Variants in SPOCK1 observed in about 807,000 individuals in gnomAD.
SPOCK1 encodes testican-1.
SPOCK1 carries 23 observed loss-of-function variants against 55.3 expected under a neutral mutation model. The observed-to-expected ratio is 0.42, with a 90% CI of 0.30 to 0.59. The LOEUF is 0.59. Among genes scored for constraint, SPOCK1 ranks in the 20% least tolerant of loss-of-function variants. The pLI is 0.22. For missense variants in SPOCK1, 499 were observed against 552.5 expected (o/e 0.90, Z 0.97); for synonymous variants, 226 against 221.0 (o/e 1.02, Z -0.20).
intron 6 of SPOCK1, among the ~76,000 whole-genome samples, chr5:136,994,028 T>G (rs2126965114): frequency 6.6e-6 from 1 of 152,244 alleles, no homozygotes; most frequent in Middle Eastern, 3.4e-3. Flanking sequence ...AGAACCGAGC[T>G]TCCCAGAGCT....
chr5:137,420,791 T>G (rs968505043), intron 2 of SPOCK1, among the ~76,000 whole-genome samples: 1 of 152,198 alleles, frequency 6.6e-6, no homozygotes, highest in Non-Finnish European at 1.5e-5. Flanking sequence ...TGTGTCTCTA[T>G]CTCCTTCAGT....
chr5:137,433,994 GAAAT>G (rs1238248837), intron 2 of SPOCK1, among the ~76,000 whole-genome samples: 17 of 152,264 alleles, frequency 1.1e-4, no homozygotes, highest in African/African-American at 4.1e-4. Flanking sequence ...AATTACCAAA[GAAAT>G]AATCTGTTCT....
chr5:137,317,285 T>C (rs1238049625), intron 2 of SPOCK1, among the ~76,000 whole-genome samples: 4 of 152,228 alleles, frequency 2.6e-5, no homozygotes, highest in African/African-American at 7.2e-5. Context: ...TTTTAGGTCC[T>C]ACAGTGAAAT....
chr5:137,044,912 C>A (rs939758182), intron 6 of SPOCK1, among the ~76,000 whole-genome samples: 7 of 144,400 alleles, frequency 4.8e-5, no homozygotes, highest in Admixed American at 2.8e-4. Flanking sequence ...TTTGTTCTTG[C>A]GATAGTTTAC....
intron 2 of SPOCK1, among the ~76,000 whole-genome samples, chr5:137,416,003 A>C (rs1359684362): frequency 1.3e-5 from 2 of 152,126 alleles, no homozygotes; most frequent in Non-Finnish European, 2.9e-5. Flanking sequence ...AAAGGCTCAT[A>C]TCAAATTGCT....
chr5:137,297,678 G>C (rs955356222), intron 2 of SPOCK1, among the ~76,000 whole-genome samples: 9 of 152,114 alleles, frequency 5.9e-5, no homozygotes, highest in Admixed American at 1.3e-4. Flanking sequence ...TGGGACAAAG[G>C]CAGGAAGAAA....
chr5:137,380,821 C>T (rs900817177), intron 2 of SPOCK1, among the ~76,000 whole-genome samples: 1 of 152,140 alleles, frequency 6.6e-6, no homozygotes, highest in Non-Finnish European at 1.5e-5. Context: ...CTGGCCCCTT[C>T]CAAATCTCAT....
intron 2 of SPOCK1, among the ~76,000 whole-genome samples, chr5:137,497,138 C>A (rs1337298526): frequency 6.6e-6 from 1 of 152,196 alleles, no homozygotes; most frequent in African/African-American, 2.4e-5. Flanking sequence ...GCAAGGCCTG[C>A]AGATACTGAG....
intron 2 of SPOCK1, among the ~76,000 whole-genome samples, chr5:137,324,144 T>TA (rs1400966359): frequency 4.6e-5 from 7 of 152,064 alleles, no homozygotes. Context: ...TAGCCAACCT[T>TA]AAAAAAAGAG....
chr5:137,322,786 A>C (rs1260767717), intron 2 of SPOCK1, among the ~76,000 whole-genome samples: 3 of 152,214 alleles, frequency 2.0e-5, no homozygotes, highest in African/African-American at 7.2e-5. Context: ...ATTTTAGTCC[A>C]TTTTAGTATC....
intron 2 of SPOCK1, among the ~76,000 whole-genome samples, chr5:137,362,521 G>A (rs1215901179): frequency 6.6e-6 from 1 of 151,786 alleles, no homozygotes; most frequent in Non-Finnish European, 1.5e-5. Flanking sequence ...GTAGAGACAG[G>A]GTTTCACCAT....
At chr5:137,365,852 T>TA (rs1751048682) in intron 2 of SPOCK1, among the ~76,000 whole-genome samples, 1 of 152,242 alleles carries the variant, frequency 6.6e-6, no homozygotes, top group Admixed American at 6.5e-5. Flanking sequence ...GCTGTTTTTG[T>TA]AACTCAACTT....
intron 3 of SPOCK1, among the ~76,000 whole-genome samples, chr5:137,264,908 C>T (rs538935783): frequency 1.8e-4 from 27 of 152,290 alleles, no homozygotes; most frequent in South Asian, 1.0e-3. Context: ...AAATAGCCAA[C>T]GGCAGCTACC....
At chr5:137,426,520 G>A (rs944465583) in intron 2 of SPOCK1, among the ~76,000 whole-genome samples, 2 of 152,130 alleles carry the variant, frequency 1.3e-5, no homozygotes, top group African/African-American at 4.8e-5. Context: ...TTTCTAACAA[G>A]GGCAGCCTGG....
At chr5:137,113,382 C>A (rs1753511229) in intron 4 of SPOCK1, among the ~76,000 whole-genome samples, 1 of 152,146 alleles carries the variant, frequency 6.6e-6, no homozygotes, top group Non-Finnish European at 1.5e-5. Context: ...GGCCCTGGGG[C>A]TGAGTTCTGG....
chr5:136,994,737 G>A (rs1317579443), intron 6 of SPOCK1, among the ~76,000 whole-genome samples: 2 of 151,482 alleles, frequency 1.3e-5, no homozygotes, highest in African/African-American at 4.9e-5. Flanking sequence ...TTTAGGCCAG[G>A]TGCGGTGGTT....
At position 137,266,335 on chromosome 5, in the gene SPOCK1, C is replaced by T. The variant is rs13356647; in HGVS notation, c.232+675G>A. ...TACCATCATTTTCAACAGCACCACA[C>T]ATGGAACAACGGGGGAAGGGATGTG... On this transcript the variant is annotated intron_variant, in intron 3 of 10. Transcript: ENST00000394945. 3.2e-3 allele frequency among the ~76,000 whole-genome samples: 488 copies of T among 152,294 alleles called. 2 individuals are homozygous for T. The highest frequency in any genetic ancestry group is 0.011 in the African/African-American group (462 of 41,550).
intron 2 of SPOCK1, among the ~76,000 whole-genome samples, chr5:137,294,507 A>G (rs1757439093): frequency 6.6e-6 from 1 of 152,182 alleles, no homozygotes; most frequent in East Asian, 1.9e-4. Flanking sequence ...CCATCACAAC[A>G]CACTGCCTCC....
chr5:137,356,838 T>TAGAGAGAGAGAGAGAGGGAGAGAGAG, intron 2 of SPOCK1, among the ~76,000 whole-genome samples: 1 of 5,460 alleles, frequency 1.8e-4, no homozygotes, highest in Admixed American at 2.8e-3. Flanking sequence ...TATATATATA[T>TAGAGAGAGAGAGAGAGGGAGAGAGAG]AGAGAGAGAG....
Sources: gnomAD v4.1 joint callset for allele counts (sites outside exome capture counted in the v4.1 genomes callset) on GRCh38, gnomAD v4.1.1 for gene constraint, MANE v1.5 for transcripts, NCBI Gene and HGNC (gene_info 2026-07-23, HGNC 2026-07-21) for gene names.